The following CCDC201 variants were observed in gnomAD, a reference collection of about 807,000 sequenced individuals.
CCDC201 encodes coiled-coil domain-containing protein 201.
upstream of CCDC201, among the ~76,000 whole-genome samples, chr7:45,874,180 A>C (rs1355050893): frequency 6.6e-6 from 1 of 152,134 alleles, no homozygotes; most frequent in African/African-American, 2.4e-5. Context: ...CCAAAGTGCC[A>C]GGATTACAGG....
chr7:45,860,117 G>A (rs1786577725), exon 3 of CCDC201: 1 of 152,998 alleles, frequency 6.5e-6, no homozygotes, highest in Non-Finnish European at 1.5e-5. Context: ...GGTAGAGTTA[G>A]GAGCAATGTT....
exon 3 of CCDC201, chr7:45,861,039 G>C (rs1786593778): frequency 6.6e-6 from 1 of 152,110 alleles, no homozygotes; most frequent in Non-Finnish European, 1.5e-5. Flanking sequence ...ATCTTTCAAG[G>C]ACACACTTCC....
chr7:45,882,056 T>C, the CCDC201 span, among the ~76,000 whole-genome samples: 1 of 152,222 alleles, frequency 6.6e-6, no homozygotes, highest in African/African-American at 2.4e-5. Flanking sequence ...AACATCACTT[T>C]GTTTTTTTTC....
chr7:45,867,112 C>T (rs184110593), intron 1 of CCDC201, among the ~76,000 whole-genome samples: 28 of 152,344 alleles, frequency 1.8e-4, no homozygotes, highest in African/African-American at 3.8e-4. Context: ...GAACTATACC[C>T]GGCAAGCACA....
chr7:45,870,745 C>A (rs938518434), intron 1 of CCDC201, among the ~76,000 whole-genome samples: 1 of 152,076 alleles, frequency 6.6e-6, no homozygotes, highest in African/African-American at 2.4e-5. Context: ...CCTTTTTAAG[C>A]CCATGCTAGA....
At chr7:45,874,542 G>A (rs1583655101), upstream of CCDC201, among the ~76,000 whole-genome samples, 1 of 152,314 alleles carries the variant, frequency 6.6e-6, no homozygotes, top group South Asian at 2.1e-4. Context: ...TCAGCACCCA[G>A]GCCTGTGTAC....
the CCDC201 span, among the ~76,000 whole-genome samples, chr7:45,880,396 C>T: frequency 2.0e-5 from 3 of 152,392 alleles, no homozygotes; most frequent in East Asian, 5.8e-4. Context: ...ACATGATCCT[C>T]ATACGGTAAC....
intron 2 of CCDC201, among the ~76,000 whole-genome samples, chr7:45,863,660 A>G (rs1258669981): frequency 1.3e-5 from 2 of 152,132 alleles, no homozygotes; most frequent in Non-Finnish European, 2.9e-5. Flanking sequence ...AACTCCTGAC[A>G]CTAAACACGA....
At chr7:45,872,865 C>G (rs35539615) in intron 1 of CCDC201, 125 bp downstream of exon 1, 42,612 of 152,820 alleles carry the variant, frequency 0.28, 6,220 homozygotes, top group African/African-American at 0.31. Context: ...AGGGCCAGGC[C>G]TAAGGCCAGT....
chr7:45,875,833 T>C (rs578170675), upstream of CCDC201, among the ~76,000 whole-genome samples: 22 of 152,322 alleles, frequency 1.4e-4, no homozygotes, highest in African/African-American at 5.3e-4. Flanking sequence ...GACTGGAGTC[T>C]TGAATTACTT....
chr7:45,876,984 G>A (rs1048537690), upstream of CCDC201, among the ~76,000 whole-genome samples: 1 of 152,208 alleles, frequency 6.6e-6, no homozygotes, highest in African/African-American at 2.4e-5. Flanking sequence ...CCCCATTAGG[G>A]TTACATACAG....
At chr7:45,884,886 C>A in the CCDC201 span, among the ~76,000 whole-genome samples, 1 of 152,088 alleles carries the variant, frequency 6.6e-6, no homozygotes, top group African/African-American at 2.4e-5. Flanking sequence ...TCCTTTCCCC[C>A]ACACCTAGCT....
At chr7:45,867,552 C>T (rs572523768) in intron 1 of CCDC201, among the ~76,000 whole-genome samples, 1 of 152,298 alleles carries the variant, frequency 6.6e-6, no homozygotes, top group South Asian at 2.1e-4. Context: ...GCATGCCTGC[C>T]AATACCGTAT....
intron 1 of CCDC201, among the ~76,000 whole-genome samples, chr7:45,870,811 A>G (rs551433731): frequency 6.6e-6 from 1 of 152,308 alleles, no homozygotes; most frequent in Non-Finnish European, 1.5e-5. Flanking sequence ...ACCAACAACA[A>G]CAAAATCAAA....
At chr7:45,868,227 G>A (rs998260504) in intron 1 of CCDC201, among the ~76,000 whole-genome samples, 29 of 152,130 alleles carry the variant, frequency 1.9e-4, no homozygotes, top group Non-Finnish European at 4.1e-4. Flanking sequence ...GCTAGCTATT[G>A]GTGGGAGGCC....
chr7:45,862,040 A>G (rs1264009483), exon 3 of CCDC201: 3 of 152,246 alleles, frequency 2.0e-5, no homozygotes, highest in South Asian at 2.1e-4. Context: ...CTTCCTTACA[A>G]TATGTATTAC....
the CCDC201 span, among the ~76,000 whole-genome samples, chr7:45,881,090 G>A: frequency 3.3e-5 from 5 of 152,158 alleles, no homozygotes; most frequent in African/African-American, 7.2e-5. Context: ...TAGTACAGTC[G>A]TGACTTTCCT....
chr7:45,869,587 C>T (rs1301347987), intron 1 of CCDC201, among the ~76,000 whole-genome samples: 1 of 152,132 alleles, frequency 6.6e-6, no homozygotes, highest in Admixed American at 6.6e-5. Context: ...TTATTTTGTA[C>T]ATCGTTTCCT....
chr7:45,870,700 A>T (rs867877053), intron 1 of CCDC201, among the ~76,000 whole-genome samples: 1 of 152,204 alleles, frequency 6.6e-6, no homozygotes, highest in South Asian at 2.1e-4. Flanking sequence ...AAAATACAGA[A>T]AATCAGAAAT....
Sources: gnomAD v4.1 joint callset for allele counts (sites outside exome capture counted in the v4.1 genomes callset) on GRCh38, gnomAD v4.1.1 for gene constraint, MANE v1.5 for transcripts, NCBI Gene and HGNC (gene_info 2026-07-23, HGNC 2026-07-21) for gene names.